Variants in COL22A1 observed in about 807,000 individuals in gnomAD.
COL22A1 encodes the protein collagen alpha-1(XXII) chain.
COL22A1 carries 221 observed loss-of-function variants against 248.9 expected under a neutral mutation model. The ratio of observed to expected loss-of-function variants is 0.89; its 90% CI spans 0.80 to 0.99. The LOEUF is 0.99. Among genes scored for constraint, COL22A1 ranks in the 50% least tolerant of loss-of-function variants. The pLI is 0.00. For synonymous variants in COL22A1, 891 were observed against 793.4 expected, an observed-to-expected ratio of 1.12 and a Z score of -2.07; for missense variants, 2,240 against 2,179.0, an observed-to-expected ratio of 1.03 and a Z score of -0.56.
At chr8:138,751,168 C>T (rs1018553785) in intron 22 of COL22A1, among the ~76,000 whole-genome samples, 8 of 152,168 alleles carry the variant, frequency 5.3e-5, no homozygotes, top group African/African-American at 1.9e-4. Context: ...ACCCTCAGCA[C>T]TGGGCTTCCC....
At chr8:138,766,116 C>T (rs1345267247) in intron 16 of COL22A1, among the ~76,000 whole-genome samples, 1 of 152,228 alleles carries the variant, frequency 6.6e-6, no homozygotes, top group African/African-American at 2.4e-5. Flanking sequence ...CTGACAATCA[C>T]CCTGGAACCT....
chr8:138,869,049 G>C (rs768769707), intron 3 of COL22A1, among the ~76,000 whole-genome samples: 11 of 152,148 alleles, frequency 7.2e-5, no homozygotes, highest in South Asian at 2.1e-4. Flanking sequence ...TCTTCTTACA[G>C]ATGAAGAGAC....
At chr8:138,687,035 CA>C (rs1459869726) in intron 37 of COL22A1, among the ~76,000 whole-genome samples, 2 of 152,214 alleles carry the variant, frequency 1.3e-5, no homozygotes, top group Non-Finnish European at 2.9e-5. Flanking sequence ...CAGCTCAAGG[CA>C]ACCTCCGCTT....
intron 31 of COL22A1, among the ~76,000 whole-genome samples, chr8:138,700,846 G>C (rs1356722896): frequency 6.6e-6 from 1 of 152,058 alleles, no homozygotes; most frequent in African/African-American, 2.4e-5. Flanking sequence ...TTAGCTAGGC[G>C]TGATGCCGGG....
chr8:138,671,938 ATG>A (rs1192315438), intron 41 of COL22A1, among the ~76,000 whole-genome samples: 9 of 141,378 alleles, frequency 6.4e-5, no homozygotes. Flanking sequence ...CATACAAAAC[ATG>A]TGTTACTTGA....
intron 15 of COL22A1, among the ~76,000 whole-genome samples, chr8:138,777,529 C>A (rs1008839727): frequency 3.3e-5 from 5 of 152,134 alleles, no homozygotes; most frequent in Admixed American, 2.6e-4. Context: ...GCCCACCACC[C>A]CCCAACAGGC....
At chr8:138,766,382 A>G (rs764443463) in intron 16 of COL22A1, among the ~76,000 whole-genome samples, 4 of 151,860 alleles carry the variant, frequency 2.6e-5, no homozygotes, top group Non-Finnish European at 5.9e-5. Flanking sequence ...GGTCATTAGC[A>G]GGGGCGAGAG....
intron 22 of COL22A1, among the ~76,000 whole-genome samples, chr8:138,749,466 G>A (rs903175249): frequency 9.9e-5 from 15 of 152,128 alleles, no homozygotes; most frequent in African/African-American, 1.7e-4. Flanking sequence ...AAAGCTTCAC[G>A]TACACATTAA....
chr8:138,660,388 C>T (rs774627173), intron 44 of COL22A1, 48 bp downstream of exon 44: 18 of 1,539,438 alleles, frequency 1.2e-5, no homozygotes, highest in Middle Eastern at 3.4e-4. Context: ...CTCTTGCTTA[C>T]GCCCTGACTG....
chr8:138,865,456 G>C (rs1822791990), intron 3 of COL22A1, among the ~76,000 whole-genome samples: 1 of 151,330 alleles, frequency 6.6e-6, no homozygotes, highest in South Asian at 2.1e-4. Flanking sequence ...GCCTGTGTGT[G>C]AGTGTATGTG....
chr8:138,606,038 A>G (rs1216029779), intron 58 of COL22A1, among the ~76,000 whole-genome samples: 1 of 152,240 alleles, frequency 6.6e-6, no homozygotes, highest in Non-Finnish European at 1.5e-5. Context: ...GCAGTGGGTC[A>G]GGAACCATTG....
chr8:138,882,520 C>T (rs1225762535), intron 2 of COL22A1, among the ~76,000 whole-genome samples: 1 of 147,812 alleles, frequency 6.8e-6, no homozygotes, highest in Non-Finnish European at 1.5e-5. Flanking sequence ...ACACACACTC[C>T]TACACTTCCT....
intron 60 of COL22A1, among the ~76,000 whole-genome samples, chr8:138,600,995 A>C (rs1817956628): frequency 6.6e-6 from 1 of 152,192 alleles, no homozygotes; most frequent in Non-Finnish European, 1.5e-5. Context: ...GGGTAGTCTA[A>C]TGGCTCCCTG....
intron 45 of COL22A1, among the ~76,000 whole-genome samples, chr8:138,652,832 C>T (rs1042556246): frequency 4.3e-5 from 6 of 140,944 alleles, no homozygotes; most frequent in Non-Finnish European, 7.6e-5. Context: ...CTGCAGCCTC[C>T]GCCTCCCAGA....
chr8:138,632,463 A>G (rs568182424), intron 49 of COL22A1, among the ~76,000 whole-genome samples: 1 of 152,320 alleles, frequency 6.6e-6, no homozygotes, highest in Admixed American at 6.5e-5. Context: ...TCCACCCACA[A>G]CAAGGAATCC....
rs146716373 is a variant in COL22A1 at position 138,907,025 on chromosome 8, G to A, written c.-73+6594C>T. ...AATGGCCTAGATGCTACCAGGACCC[G>A]GCTACTCTGTGGATAAGAGCACACA... is the stretch of plus-strand genomic sequence containing the variant. On this transcript the variant is annotated intron_variant, in intron 1 of 64. Coordinates refer to ENST00000303045, the MANE Select transcript of COL22A1 (RefSeq NM_152888.3). 4.8e-3 allele frequency among the ~76,000 whole-genome samples: 730 copies of A among 152,278 alleles called. 8 individuals are homozygous for A. Among genetic ancestry groups the A allele is most frequent in the African/African-American group, 0.017 (691 of 41,558 alleles).
intron 10 of COL22A1, among the ~76,000 whole-genome samples, chr8:138,804,496 T>C (rs1817291650): frequency 6.6e-6 from 1 of 152,170 alleles, no homozygotes; most frequent in Non-Finnish European, 1.5e-5. Context: ...AAATGTCTTC[T>C]ACTGAGAGGC....
intron 25 of COL22A1, among the ~76,000 whole-genome samples, chr8:138,723,825 G>T (rs1830091901): frequency 6.6e-6 from 1 of 152,190 alleles, no homozygotes; most frequent in Non-Finnish European, 1.5e-5. Flanking sequence ...CACGACCACA[G>T]GCCCCCTGGG....
At chr8:138,602,794 C>T (rs1014491301) in intron 59 of COL22A1, among the ~76,000 whole-genome samples, 2 of 152,226 alleles carry the variant, frequency 1.3e-5, no homozygotes, top group East Asian at 3.9e-4. Flanking sequence ...CCTGGAATGT[C>T]TCTTTCTTCC....
Sources: gnomAD v4.1 joint callset for allele counts (sites outside exome capture counted in the v4.1 genomes callset) on GRCh38, gnomAD v4.1.1 for gene constraint, MANE v1.5 for transcripts, NCBI Gene and HGNC (gene_info 2026-07-23, HGNC 2026-07-21) for gene names.